Variants in THBS4 observed in about 807,000 individuals in gnomAD.
The protein encoded by THBS4 is thrombospondin 4.
In THBS4, 90 loss-of-function variants were observed where a neutral mutation model predicts 115.7. The ratio of observed to expected loss-of-function variants is 0.78; its 90% CI spans 0.66 to 0.93. The LOEUF (loss-of-function observed/expected upper bound fraction) is 0.93. Among genes scored for constraint, THBS4 ranks in the 40% least tolerant of loss-of-function variants. The pLI is 0.00. For synonymous variants in THBS4, 460 were observed against 479.3 expected (o/e 0.96, Z 0.53); for missense variants, 1,087 against 1,232.7 (o/e 0.88, Z 1.77).
intron 2 of THBS4, among the ~76,000 whole-genome samples, chr5:80,020,324 A>G (rs962621252): frequency 6.6e-6 from 1 of 152,152 alleles, no homozygotes; most frequent in East Asian, 1.9e-4. Context: ...TACAAAAAAA[A>G]TTAGCCAGGC....
At chr5:79,995,683 A>G (rs1018073230) in intron 1 of THBS4, among the ~76,000 whole-genome samples, 3 of 152,214 alleles carry the variant, frequency 2.0e-5, no homozygotes, top group African/African-American at 7.2e-5. Flanking sequence ...GCTGGCAGGC[A>G]TTGAAAATGA....
chr5:80,044,532 C>T (rs553524601), intron 2 of THBS4, among the ~76,000 whole-genome samples: 2 of 152,140 alleles, frequency 1.3e-5, no homozygotes, highest in Non-Finnish European at 1.5e-5. Flanking sequence ...GACTGACTCT[C>T]CTGCCTCAGC....
In THBS4 at chr5:80,059,865, G is replaced by GC. The variant is rs748696952; in HGVS notation, c.948dup (p.Tyr317LeufsTer10). 6.2e-7 allele frequency: 1 copy of GC among 1,613,480 alleles called. No homozygotes were observed. The highest frequency in any genetic ancestry group is 1.7e-5 in the Admixed American group (1 of 59,976). ...TTCCAGTGTGGGCCCTGCCCCGAGG[G>GC]CTACACAGGAAACGGGATCACCTGT... On this transcript the variant is annotated frameshift_variant, in exon 7 of 22. Coordinates refer to ENST00000350881, the MANE Select transcript of THBS4 (RefSeq NM_003248.6). LOFTEE classifies it high-confidence loss of function.
intron 2 of THBS4, among the ~76,000 whole-genome samples, chr5:80,009,687 C>G (rs1832083647): frequency 6.6e-6 from 1 of 151,824 alleles, no homozygotes; most frequent in South Asian, 2.1e-4. Flanking sequence ...AACAAGTTTC[C>G]AAAGAGAATA....
Position 80,035,398 on chromosome 5 carries a change from C to A in THBS4, c.-140C>A, listed in dbSNP as rs1022743455. On this transcript the variant is annotated 5_prime_UTR_variant, in exon 1 of 22. Transcript: ENST00000350881. The surrounding 1 kb of genome is among the most constrained non-coding windows in gnomAD (Gnocchi z 4.6). ...GGCGGGGACGCGAGCGCGCCCCCGA[C>A]GGCAGCCCGGACGCCGAGCACGGGT... The A allele has an allele frequency of 1.1e-5, 4 of 375,582 alleles. No homozygotes were observed. Among genetic ancestry groups the A allele is most frequent in the Non-Finnish European group, 1.7e-5 (4 of 237,934 alleles). 23.3% of individuals were successfully genotyped at this position (375,582 alleles called of 1,614,324 possible).
intron 2 of THBS4, among the ~76,000 whole-genome samples, chr5:80,048,766 G>C (rs1177509275): frequency 6.6e-6 from 1 of 152,070 alleles, no homozygotes; most frequent in African/African-American, 2.4e-5. Context: ...TTCAGAAAAA[G>C]CAATTTGCTG....
At chr5:80,031,509 A>G (rs1832586233), upstream of THBS4, among the ~76,000 whole-genome samples, 1 of 152,270 alleles carries the variant, frequency 6.6e-6, no homozygotes, top group African/African-American at 2.4e-5. Context: ...ATGGTATACA[A>G]AAATAAATGT....
intron 2 of THBS4, among the ~76,000 whole-genome samples, chr5:79,999,536 A>G (rs970397166): frequency 1.3e-5 from 2 of 152,202 alleles, no homozygotes; most frequent in Non-Finnish European, 2.9e-5. Context: ...TTAAGTCATT[A>G]TGTGTATTGT....
rs564914061 is a variant in THBS4, at chr5:80,055,974, C to T, written c.482C>T (p.Ala161Val). The T allele has an allele frequency of 3.6e-4, 580 of 1,613,886 alleles. 6 individuals carry two copies. In the South Asian group the frequency reaches 6.0e-3, roughly 17 times the overall value. The change falls in exon 3 of 22, where the codon GCT (alanine) becomes GTT (valine). Residue 161 changes from alanine to valine, a missense_variant. Physicochemically the swap from Ala to Val is moderately conservative, Grantham distance 64. This residue lies in a region of THBS4 where 979 missense variants were observed against 1,103.7 expected (regional missense o/e 0.89). Coordinates refer to ENST00000350881, the MANE Select transcript of THBS4 (RefSeq NM_003248.6). Reference protein sequence around the residue: ...DSVHNLPRAFAGPSQKPETIE... With the variant: ...DSVHNLPRAFVGPSQKPETIE... ...GTTCACAATCTCCCCAGGGCCTTTG[C>T]TGGCCCCTCCCAGAAACCTGAGACC...
At chr5:80,048,671 T>C (rs1833156024) in intron 2 of THBS4, among the ~76,000 whole-genome samples, 1 of 151,024 alleles carries the variant, frequency 6.6e-6, no homozygotes, top group Admixed American at 6.6e-5. Context: ...TGTGTTACTC[T>C]GTATACTTTA....
chr5:79,996,204 G>A (rs549181415), intron 1 of THBS4, among the ~76,000 whole-genome samples: 1 of 152,212 alleles, frequency 6.6e-6, no homozygotes, highest in South Asian at 2.1e-4. Context: ...GTAAATGGGA[G>A]CATTGCTGAC....
intron 21 of THBS4, 100 bp from the exon 22 acceptor site, chr5:80,082,980 C>A: frequency 9.6e-7 from 1 of 1,041,652 alleles, no homozygotes; most frequent in Non-Finnish European, 1.5e-6. Flanking sequence ...CCTGGGCGGG[C>A]TAACAGCGCC....
intron 2 of THBS4, among the ~76,000 whole-genome samples, chr5:80,006,110 A>G (rs1580904841): frequency 6.6e-6 from 1 of 152,292 alleles, no homozygotes; most frequent in East Asian, 1.9e-4. Flanking sequence ...GTTTTCCTGA[A>G]AAGTAAAGAT....
At chr5:80,081,307 C>T (rs1243387176) in intron 20 of THBS4, among the ~76,000 whole-genome samples, 1 of 152,148 alleles carries the variant, frequency 6.6e-6, no homozygotes, top group African/African-American at 2.4e-5. Context: ...AAGCCCAATG[C>T]CCCTTTTTTA....
chr5:80,014,543 C>T (rs766670973), intron 2 of THBS4, among the ~76,000 whole-genome samples: 18 of 152,244 alleles, frequency 1.2e-4, no homozygotes, highest in Non-Finnish European at 1.9e-4. Context: ...AAGTGGTACT[C>T]GAGCCCAAGG....
chr5:80,041,045 T>C (rs754847914), intron 2 of THBS4, among the ~76,000 whole-genome samples: 1 of 152,182 alleles, frequency 6.6e-6, no homozygotes, highest in Non-Finnish European at 1.5e-5. Context: ...AATCCCATAA[T>C]TCATATGCCT....
upstream of THBS4, among the ~76,000 whole-genome samples, chr5:80,032,097 A>C (rs1389214900): frequency 6.6e-6 from 1 of 152,208 alleles, no homozygotes; most frequent in Non-Finnish European, 1.5e-5. Context: ...ATCCAATGTA[A>C]GTACATGAAT....
intron 2 of THBS4, among the ~76,000 whole-genome samples, chr5:80,002,664 AG>A (rs1415779497): frequency 6.6e-6 from 1 of 151,482 alleles, no homozygotes; most frequent in Non-Finnish European, 1.5e-5. Flanking sequence ...AAATTGTCCA[AG>A]CAGTAAATGG....
At chr5:80,078,559 A>G (rs1271820906) in intron 17 of THBS4, among the ~76,000 whole-genome samples, 1 of 152,136 alleles carries the variant, frequency 6.6e-6, no homozygotes, top group Non-Finnish European at 1.5e-5. Context: ...TATCCTCCTC[A>G]TTGTGTAACT....
Sources: gnomAD v4.1 joint callset for allele counts (sites outside exome capture counted in the v4.1 genomes callset) on GRCh38, gnomAD v4.1.1 for gene constraint, gnomAD v4.1.1 regional missense constraint, Gnocchi (gnomAD v3.1) non-coding constraint, MANE v1.5 for transcripts, NCBI Gene and HGNC (gene_info 2026-07-23, HGNC 2026-07-21) for gene names.